Variants in DOCK1 observed in about 807,000 individuals in gnomAD.
DOCK1 encodes dedicator of cytokinesis 1.
In DOCK1, 138 loss-of-function variants were observed where a neutral mutation model predicts 262.7. The ratio of observed to expected loss-of-function variants is 0.53; its 90% CI spans 0.46 to 0.61. DOCK1 has a LOEUF of 0.61. DOCK1 is among the 20% of genes least tolerant of loss of function. The pLI is 0.00. For synonymous variants in DOCK1, 866 were observed against 867.4 expected (o/e 1.00, Z 0.03); for missense variants, 1,908 against 2,370.7 (o/e 0.80, Z 4.05).
intron 1 of DOCK1, among the ~76,000 whole-genome samples, chr10:126,935,574 G>T (rs2034507929): frequency 1.3e-5 from 2 of 152,158 alleles, no homozygotes; most frequent in African/African-American, 4.8e-5. Context: ...CTCTCAACCT[G>T]GAATGCACCT....
intron 1 of DOCK1, among the ~76,000 whole-genome samples, chr10:126,967,332 T>G (rs1424198203): frequency 6.6e-6 from 1 of 152,172 alleles, no homozygotes; most frequent in African/African-American, 2.4e-5. Context: ...TACTTTTGGA[T>G]TCATTTAAAA....
chr10:127,059,159 A>G (rs924379943), intron 22 of DOCK1, among the ~76,000 whole-genome samples: 5 of 152,192 alleles, frequency 3.3e-5, no homozygotes, highest in African/African-American at 1.2e-4. Flanking sequence ...CATTTATAGT[A>G]AGTCATTAGC....
In DOCK1 at chr10:127,016,637, GCACACACACACACATA is replaced by G. The variant is rs1240948529; in HGVS notation, c.1202-2060_1202-2045del. 472 of 126,210 alleles carry G rather than the reference GCACACACACACACATA, an allele frequency of 3.7e-3. 1 individual carries two copies. Among genetic ancestry groups the G allele is most frequent in the African/African-American group, 0.012 (417 of 33,546 alleles). 7.8% of individuals were successfully genotyped at this position (126,210 alleles called of 1,614,324 possible). A position where few individuals can be genotyped will look rare whatever the true frequency, so the allele number is the denominator to read the frequency against. On this transcript the variant is annotated intron_variant, in intron 12 of 51. Coordinates refer to ENST00000623213, the MANE Select transcript of DOCK1 (RefSeq NM_001290223.2). ...GGAGGCATCTGAAGAGGGGACAGCT[GCACACACACACACATA>G]CACACACACACATGCACACATACAC... is the stretch of plus-strand genomic sequence containing the variant.
At chr10:127,249,408 T>TATACGCAC (rs111361547) in intron 28 of DOCK1, among the ~76,000 whole-genome samples, 1 of 151,378 alleles carries the variant, frequency 6.6e-6, no homozygotes, top group African/African-American at 2.4e-5. Context: ...TATATACATA[T>TATACGCAC]ATATATACAT....
At chr10:127,419,805 C>A in intron 46 of DOCK1, 56 bp downstream of exon 46, 1 of 1,520,766 alleles carries the variant, frequency 6.6e-7, no homozygotes, top group Non-Finnish European at 8.9e-7. Flanking sequence ...CTAGGAGGGT[C>A]TAGGCTCAGC....
chr10:127,337,499 A>G (rs2063252764), intron 29 of DOCK1, among the ~76,000 whole-genome samples: 1 of 152,088 alleles, frequency 6.6e-6, no homozygotes, highest in South Asian at 2.1e-4. Context: ...CTAATCAATT[A>G]CAGAATTCAG....
intron 46 of DOCK1, among the ~76,000 whole-genome samples, chr10:127,420,270 GGGAGCCTTTCCCAGAGGGCCA>G (rs984638513): frequency 1.3e-4 from 20 of 152,128 alleles, no homozygotes; most frequent in African/African-American, 4.6e-4. Context: ...CTGGGGCCTC[GGGAGCCTTTCCCAGAGGGCCA>G]GCATCTTGAA....
chr10:126,953,777 C>T (rs1195395484), intron 1 of DOCK1, among the ~76,000 whole-genome samples: 3 of 151,940 alleles, frequency 2.0e-5, no homozygotes, highest in African/African-American at 4.8e-5. Flanking sequence ...GCTCAGTGGT[C>T]AGCTTTGATG....
At chr10:127,287,552 C>T (rs1381641213) in intron 29 of DOCK1, among the ~76,000 whole-genome samples, 1 of 152,152 alleles carries the variant, frequency 6.6e-6, no homozygotes, top group African/African-American at 2.4e-5. Flanking sequence ...GGAAATTCCA[C>T]ATTCTGGATT....
intron 33 of DOCK1, among the ~76,000 whole-genome samples, chr10:127,362,882 TCCCC>T (rs1565026680): frequency 0.053 from 192 of 3,606 alleles, 10 homozygotes; most frequent in East Asian, 0.096. Context: ...CACATACACA[TCCCC>T]ACACACACAC....
intron 23 of DOCK1, among the ~76,000 whole-genome samples, chr10:127,083,391 G>A (rs1417939830): frequency 3.3e-5 from 5 of 152,178 alleles, no homozygotes; most frequent in East Asian, 1.9e-4. Context: ...CCTTGAGGGC[G>A]TGCTTGGGTG....
Position 127,048,687 on chromosome 10 carries a change from G to C in DOCK1, c.2202-3994G>C, listed in dbSNP as rs185196438. Among the ~76,000 whole-genome samples the C allele has an allele frequency of 1.1e-3, 166 of 152,282 alleles. 1 individual carries two copies. Among genetic ancestry groups the C allele is most frequent in the African/African-American group, 3.7e-3 (155 of 41,566 alleles). Reference sequence around the variant, plus strand: ...AACAATTACTTCCGCAGTTGTGCCAGGTGTGTTTCAAGTGCTGAGCCAGGT... The same window carrying C: ...AACAATTACTTCCGCAGTTGTGCCACGTGTGTTTCAAGTGCTGAGCCAGGT... On this transcript the variant is annotated intron_variant, in intron 21 of 51. Coordinates refer to ENST00000623213, the MANE Select transcript of DOCK1 (RefSeq NM_001290223.2).
chr10:127,112,495 C>T (rs1239734935), intron 25 of DOCK1, among the ~76,000 whole-genome samples: 3 of 152,150 alleles, frequency 2.0e-5, no homozygotes, highest in Non-Finnish European at 4.4e-5. Context: ...CTTAGACAGC[C>T]TGAAGTCCTG....
intron 25 of DOCK1, 149 bp downstream of exon 25, chr10:127,110,503 C>T (rs1430078470): frequency 1.0e-5 from 7 of 695,972 alleles, no homozygotes; most frequent in East Asian, 2.7e-5. Flanking sequence ...TTAGCCCTTA[C>T]AAGAGAAGGG....
chr10:127,016,652 T>TAC (rs140317971), intron 12 of DOCK1: 27,397 of 75,754 alleles, frequency 0.36, 2,601 homozygotes, highest in Middle Eastern at 0.44. Flanking sequence ...CACACACACA[T>TAC]ACACACACAC....
chr10:127,179,805 C>T (rs61874032), intron 27 of DOCK1, among the ~76,000 whole-genome samples: 2,108 of 152,322 alleles, frequency 0.014, 14 homozygotes, highest in Middle Eastern at 0.02. Context: ...AATGTACATA[C>T]GTTACAGTGT....
intron 33 of DOCK1, among the ~76,000 whole-genome samples, chr10:127,366,375 T>A (rs544075555): frequency 6.6e-6 from 1 of 152,206 alleles, no homozygotes; most frequent in African/African-American, 2.4e-5. Context: ...CATCCCCTTT[T>A]CTGCCAGTCT....
intron 29 of DOCK1, among the ~76,000 whole-genome samples, chr10:127,298,615 C>T (rs1473004655): frequency 6.6e-6 from 1 of 152,204 alleles, no homozygotes; most frequent in Non-Finnish European, 1.5e-5. Flanking sequence ...CTGTCTGCTC[C>T]TGAGCAAGCT....
At chr10:127,236,500 GTTTTTTTTTTTTTT>G (rs771387854) in intron 27 of DOCK1, among the ~76,000 whole-genome samples, 1 of 66,786 alleles carries the variant, frequency 1.5e-5, no homozygotes, top group Non-Finnish European at 2.7e-5. Flanking sequence ...CTTGACACGG[GTTTTTTTTTTTTTT>G]TTTTTTTTTT....
Sources: gnomAD v4.1 joint callset for allele counts (sites outside exome capture counted in the v4.1 genomes callset) on GRCh38, gnomAD v4.1.1 for gene constraint, MANE v1.5 for transcripts, NCBI Gene and HGNC (gene_info 2026-07-23, HGNC 2026-07-21) for gene names.